Variants in DMD observed in about 807,000 individuals in gnomAD.
DMD encodes the protein dystrophin, also known as mutant dystrophin.
In DMD, 63 loss-of-function variants were observed where a neutral mutation model predicts 330.1. The ratio of observed to expected loss-of-function variants is 0.19; its 90% CI spans 0.16 to 0.24. The LOEUF (loss-of-function observed/expected upper bound fraction) is 0.24, where lower values mean the gene tolerates loss of function less well. Ranked by LOEUF, DMD falls within the 10% of genes least tolerant of loss-of-function variation. The pLI is 1.00. For synonymous variants in DMD, 1,223 were observed against 959.8 expected, an observed-to-expected ratio of 1.27 and a Z score of -5.07; for missense variants, 3,344 against 2,684.1, an observed-to-expected ratio of 1.25 and a Z score of -5.43.
chrX:32,895,451 A>G (rs1463986849), intron 2 of DMD, among the ~76,000 whole-genome samples: 2 of 111,862 alleles, frequency 1.8e-5, no homozygotes, highest in Non-Finnish European at 3.8e-5. Flanking sequence ...TTCTAGAAAA[A>G]TCTTCCTTCG....
At chrX:32,654,395 C>A (rs1318163397) in intron 9 of DMD, among the ~76,000 whole-genome samples, 1 of 111,796 alleles carries the variant, frequency 8.9e-6, no homozygotes, top group Non-Finnish European at 1.9e-5. Context: ...TTTTCTGCAT[C>A]TATGGAGATA....
chrX:31,571,600 C>T (rs1022775112), intron 55 of DMD, among the ~76,000 whole-genome samples: 1 of 111,236 alleles, frequency 9.0e-6, no homozygotes, highest in African/African-American at 3.3e-5. Context: ...TAGCCATATG[C>T]TACAGTACTG....
At chrX:32,145,714 T>C (rs1203971297) in intron 44 of DMD, among the ~76,000 whole-genome samples, 2 of 112,042 alleles carry the variant, frequency 1.8e-5, no homozygotes, top group Non-Finnish European at 3.8e-5. Flanking sequence ...TATAGATTAC[T>C]TGTGAATTAT....
chrX:33,077,502 T>G (rs1025785140), intron 1 of DMD, among the ~76,000 whole-genome samples: 3 of 111,640 alleles, frequency 2.7e-5, no homozygotes, highest in Non-Finnish European at 5.6e-5. Flanking sequence ...CGCTCTGGCT[T>G]CTTCCTGCTG....
intron 7 of DMD, among the ~76,000 whole-genome samples, chrX:32,707,463 C>T (rs1285733600): frequency 9.0e-6 from 1 of 111,525 alleles, no homozygotes; most frequent in Non-Finnish European, 1.9e-5. Context: ...GGGGAAAAGT[C>T]AGTTAAATGA....
intron 41 of DMD, among the ~76,000 whole-genome samples, chrX:32,329,938 T>C (rs1426789610): frequency 8.9e-6 from 1 of 112,315 alleles, no homozygotes. Flanking sequence ...GCATCTTTCA[T>C]CCATGGATTA....
intron 51 of DMD, among the ~76,000 whole-genome samples, chrX:31,735,653 A>G (rs887072757): frequency 8.9e-6 from 1 of 112,177 alleles, no homozygotes; most frequent in Non-Finnish European, 1.9e-5. Flanking sequence ...GGAGGAAAAT[A>G]AGAGTATTCA....
intron 47 of DMD, among the ~76,000 whole-genome samples, chrX:31,905,036 T>C (rs762675238): frequency 5.4e-5 from 6 of 111,345 alleles, no homozygotes; most frequent in Non-Finnish European, 9.4e-5. Context: ...TACTGAAAAA[T>C]AGTGGCGAAT....
At chrX:32,585,404 A>G (rs5971643) in intron 13 of DMD, among the ~76,000 whole-genome samples, 7,741 of 111,537 alleles carry the variant, frequency 0.069, 254 homozygotes, top group Admixed American at 0.1. Flanking sequence ...TTCATAAAGA[A>G]TATTATTGGC....
At chrX:33,176,197 T>C (rs1192115781) in intron 1 of DMD, among the ~76,000 whole-genome samples, 2 of 111,419 alleles carry the variant, frequency 1.8e-5, no homozygotes, top group Admixed American at 1.9e-4. Context: ...AAGATTCTTG[T>C]GTATGAGTAA....
In DMD at chrX:32,027,183, C is replaced by CACACACACACACAG. The variant is rs774715155; in HGVS notation, c.6439-58670_6439-58669insCTGTGTGTGTGTGT. Among the ~76,000 whole-genome samples, 230 of 97,505 alleles carry CACACACACACACAG rather than the reference C, an allele frequency of 2.4e-3. 1 individual carries two copies. The highest frequency in any genetic ancestry group is 8.5e-3 in the African/African-American group (217 of 25,560). The allele number at this position is 97,505 out of a possible 115,157, so 84.7% of individuals were successfully genotyped here. On this transcript the variant is annotated intron_variant, in intron 44 of 78. Transcript: ENST00000357033. ...GCACGTGCACACACACACACACACA[C>CACACACACACACAG]AGAGAGAGAGAGAGAGAGAGAGAAG...
At chrX:32,412,926 G>C (rs2098149567) in intron 29 of DMD, among the ~76,000 whole-genome samples, 1 of 110,641 alleles carries the variant, frequency 9.0e-6, no homozygotes, top group African/African-American at 3.3e-5. Context: ...TTATTCTTCA[G>C]TGAAGCCAGC....
intron 67 of DMD, among the ~76,000 whole-genome samples, chrX:31,197,950 C>G (rs770417514): frequency 1.9e-5 from 2 of 105,044 alleles, no homozygotes; most frequent in Admixed American, 1.1e-4. Flanking sequence ...TGTACGGAAC[C>G]GGAAGACGTT....
chrX:33,028,192 A>C (rs936138901), intron 1 of DMD, among the ~76,000 whole-genome samples: 3 of 111,761 alleles, frequency 2.7e-5, no homozygotes, highest in Non-Finnish European at 5.6e-5. Context: ...AATGAATGGC[A>C]GTGGGGCTGG....
intron 15 of DMD, among the ~76,000 whole-genome samples, chrX:32,567,460 T>C (rs750633645): frequency 2.9e-4 from 32 of 112,042 alleles, no homozygotes; most frequent in African/African-American, 9.7e-4. Context: ...TGCAGTGGCA[T>C]GATCTCTGCT....
chrX:32,380,559 G>T lies in DMD; in HGVS notation c.4796C>A (p.Ala1599Glu). The T allele has an allele frequency of 1.7e-6, 2 of 1,210,411 alleles. No homozygotes were observed. Among genetic ancestry groups the T allele is most frequent in the Non-Finnish European group, 1.1e-6 (1 of 894,763 alleles). Residue 1599 changes from alanine to glutamate, a missense_variant, in exon 34 of 79, where the codon GCA becomes GAA. Coordinates refer to ENST00000357033, the MANE Select transcript of DMD (RefSeq NM_004006.3). ...CAAATTACTAGGCATTCCTTCAACT[G>T]CTGATCTCTTTGTCAATTCCATATC... ...ATDMELTKRSAVEGMPSNLDS... is the reference protein window; with the variant it reads ...ATDMELTKRSEVEGMPSNLDS...
At chrX:32,950,499 C>T (rs1394828275) in intron 2 of DMD, among the ~76,000 whole-genome samples, 1 of 110,557 alleles carries the variant, frequency 9.0e-6, no homozygotes, top group Non-Finnish European at 1.9e-5. Context: ...GTATTCACCA[C>T]GGCCATATAT....
At chrX:31,948,427 T>G (rs2095117099) in intron 45 of DMD, among the ~76,000 whole-genome samples, 2 of 111,600 alleles carry the variant, frequency 1.8e-5, no homozygotes, top group African/African-American at 6.5e-5. Flanking sequence ...TATTTTTAAC[T>G]TTTTCAAGAA....
chrX:33,257,104 G>C (rs997323404), intron 1 of DMD, among the ~76,000 whole-genome samples: 2 of 110,364 alleles, frequency 1.8e-5, no homozygotes, highest in Non-Finnish European at 3.8e-5. Flanking sequence ...GACCGAGAAG[G>C]GAAAATGTGT....
Sources: gnomAD v4.1 joint callset for allele counts (sites outside exome capture counted in the v4.1 genomes callset) on GRCh38, gnomAD v4.1.1 for gene constraint, MANE v1.5 for transcripts, NCBI Gene and HGNC (gene_info 2026-07-23, HGNC 2026-07-21) for gene names.